The following TRPM8 variants were observed in gnomAD, a reference collection of about 807,000 sequenced individuals.
TRPM8 encodes the protein transient receptor potential cation channel subfamily M member 8.
Under a neutral mutation model 133.7 loss-of-function variants are expected in TRPM8, and 110 were observed. The ratio of observed to expected loss-of-function variants is 0.82; its 90% confidence interval spans 0.70 to 0.96. The LOEUF (loss-of-function observed/expected upper bound fraction) is 0.96. Ranked by LOEUF, TRPM8 falls within the 40% of genes least tolerant of loss-of-function variation. The pLI, the probability that TRPM8 is intolerant of heterozygous loss-of-function variation, is 0.00. For synonymous variants in TRPM8, 535 were observed against 532.3 expected, an observed-to-expected ratio of 1.01 and a Z score of -0.07; for missense variants, 1,291 against 1,379.5, an observed-to-expected ratio of 0.94 and a Z score of 1.02.
intron 22 of TRPM8, among the ~76,000 whole-genome samples, chr2:233,997,986 TC>T (rs1692452651): frequency 6.6e-6 from 1 of 152,122 alleles, no homozygotes; most frequent in Non-Finnish European, 1.5e-5. Flanking sequence ...CAGACAATCT[TC>T]CTAGCCCCCA....
Position 233,927,860 on chromosome 2 carries a change from CT to C in TRPM8, c.117+1207del, listed in dbSNP as rs1691583754. On this transcript the variant is annotated intron_variant, in intron 2 of 25. Transcript: ENST00000324695. ...CCTTCCTTCCTTCCTTCCTTTCTTT[CT>C]CTTTCTTTCTTTCTTTCTTTCTTTC... Among the ~76,000 whole-genome samples, 59 of 24,088 alleles carry C rather than the reference CT, an allele frequency of 2.4e-3. 3 individuals carry two copies. The highest frequency in any genetic ancestry group is 9.4e-3 in the East Asian group (6 of 638). The allele number at this position is 24,088 out of a possible 152,430, so 15.8% of individuals were successfully genotyped here.
intron 3 of TRPM8, among the ~76,000 whole-genome samples, chr2:233,936,891 C>CTTTTTT (rs5839499): frequency 3.0e-5 from 3 of 101,324 alleles, no homozygotes; most frequent in African/African-American, 3.9e-5. Context: ...TCTTTCTTTC[C>CTTTTTT]TTTTTTTTTT....
chr2:233,927,782 CTTTCTTTCTTTTCT>C lies in TRPM8; in HGVS notation c.117+1131_117+1144del, dbSNP rs1385804924. 6.3e-3 allele frequency among the ~76,000 whole-genome samples: 234 copies of C among 37,166 alleles called. 12 individuals carry two copies. Among genetic ancestry groups the C allele is most frequent in the African/African-American group, 0.033 (90 of 2,698 alleles). 24.4% of individuals were successfully genotyped at this position (37,166 alleles called of 152,430 possible). On this transcript the variant is annotated intron_variant, in intron 2 of 25. Transcript: ENST00000324695. ...TCTTTCTTTCTTTCTTTCTTTCTTT[CTTTCTTTCTTTTCT>C]TTCCTTCCTTCCTTCCTTCCTTCCT...
chr2:233,966,513 A>G, intron 14 of TRPM8, 97 bp from the exon 15 acceptor site: 1 of 1,493,388 alleles, frequency 6.7e-7, no homozygotes, highest in East Asian at 2.3e-5. Flanking sequence ...CGCACAGGCT[A>G]TTTTTGGATT....
At chr2:234,000,184 C>T (rs577754494) in intron 22 of TRPM8, among the ~76,000 whole-genome samples, 2 of 151,832 alleles carry the variant, frequency 1.3e-5, no homozygotes, top group Admixed American at 6.6e-5. Context: ...GATCTCGGCT[C>T]ACTGCAACCT....
chr2:233,989,543 A>C lies in TRPM8; in HGVS notation c.2939+3678A>C, dbSNP rs1692224505. Reference sequence around the variant, plus strand: ...GTTATCCTTAGGTTAAATCCTTGGAACACTGTTTCTGATCATTTTTAAAGT... The same window carrying C: ...GTTATCCTTAGGTTAAATCCTTGGACCACTGTTTCTGATCATTTTTAAAGT... On this transcript the variant is annotated intron_variant, in intron 21 of 25. Transcript: ENST00000324695. The surrounding 1 kb of genome is among the most constrained non-coding windows in gnomAD (Gnocchi z 4.2). 6.6e-6 allele frequency among the ~76,000 whole-genome samples: 1 copy of C among 152,218 alleles called. No homozygotes were observed. Among genetic ancestry groups the C allele is most frequent in the South Asian group, 2.1e-4 (1 of 4,834 alleles).
chr2:233,964,755 T>C lies in TRPM8; in HGVS notation c.1877T>C (p.Val626Ala), dbSNP rs1350447174. The C allele has an allele frequency of 4.3e-6, 7 of 1,609,646 alleles. No homozygotes were observed. Among genetic ancestry groups the C allele is most frequent in the South Asian group, 1.1e-5 (1 of 90,704 alleles). ...ELANEYETRAVELFTECYSSD... is the reference protein window; with the variant it reads ...ELANEYETRAAELFTECYSSD... ...GCTAATGAGTACGAGACCCGGGCTGTTGGTGAGTCCACAGTGTGGAATGCT... is the reference window on the plus strand; with the variant it reads ...GCTAATGAGTACGAGACCCGGGCTGCTGGTGAGTCCACAGTGTGGAATGCT... Residue 626 changes from valine (V) to alanine (A), a missense_variant and splice_region_variant, in exon 14 of 26, where the codon GTT becomes GCT. By Grantham distance (64) the Val-to-Ala change is moderately conservative. Coordinates refer to ENST00000324695, the MANE Select transcript of TRPM8 (RefSeq NM_024080.5).
At chr2:233,958,874 G>A (rs1412417921) in intron 11 of TRPM8, among the ~76,000 whole-genome samples, 1 of 152,134 alleles carries the variant, frequency 6.6e-6, no homozygotes, top group African/African-American at 2.4e-5. Flanking sequence ...GGCACACAAT[G>A]TAAGAGAGTA....
intron 6 of TRPM8, among the ~76,000 whole-genome samples, chr2:233,943,613 G>C (rs536823295): frequency 6.6e-6 from 1 of 152,294 alleles, no homozygotes; most frequent in African/African-American, 2.4e-5. Context: ...AAGGCTGTGA[G>C]ACAACCACCC....
intron 11 of TRPM8, among the ~76,000 whole-genome samples, chr2:233,956,175 C>T (rs553625565): frequency 1.3e-5 from 2 of 152,002 alleles, no homozygotes; most frequent in Non-Finnish European, 2.9e-5. Context: ...CAAGACCATC[C>T]CCCCAGCCTG....
intron 17 of TRPM8, among the ~76,000 whole-genome samples, chr2:233,975,927 A>C (rs140429865): frequency 1.2e-3 from 189 of 152,122 alleles, no homozygotes; most frequent in South Asian, 5.6e-3. Context: ...ACAAACAAAA[A>C]ACACACACAC....
intron 19 of TRPM8, among the ~76,000 whole-genome samples, chr2:233,982,744 C>A (rs1692041525): frequency 6.6e-6 from 1 of 152,174 alleles, no homozygotes; most frequent in South Asian, 2.1e-4. Context: ...GAGAGGTCCT[C>A]CAAAACTTAG....
Position 233,956,907 on chromosome 2 carries a change from T to C in TRPM8, c.1362+1657T>C, listed in dbSNP as rs189777375. Among the ~76,000 whole-genome samples, 465 of 152,316 alleles carry C rather than the reference T, an allele frequency of 3.1e-3. 5 individuals are homozygous for C. Among genetic ancestry groups the C allele is most frequent in the Middle Eastern group, 6.8e-3 (2 of 294 alleles). ...GAATTACTGTGTGTGAAATGTTCTATTTAAGTGAGGTCAGATGGTACAAAT... is the reference window on the plus strand; with the variant it reads ...GAATTACTGTGTGTGAAATGTTCTACTTAAGTGAGGTCAGATGGTACAAAT... On this transcript the variant is annotated intron_variant, in intron 11 of 25. Coordinates refer to ENST00000324695, the MANE Select transcript of TRPM8 (RefSeq NM_024080.5).
chr2:233,977,551 A>C (rs916901149), intron 17 of TRPM8, among the ~76,000 whole-genome samples: 2 of 152,122 alleles, frequency 1.3e-5, no homozygotes, highest in Non-Finnish European at 2.9e-5. Context: ...AGCAGCAGGG[A>C]GGGCCTTTCC....
intron 1 of TRPM8, among the ~76,000 whole-genome samples, chr2:233,924,839 A>G (rs1301878226): frequency 6.6e-6 from 1 of 152,244 alleles, no homozygotes; most frequent in African/African-American, 2.4e-5. Context: ...CATAGTGAAT[A>G]CCTTGCAGGA....
At chr2:233,976,929 C>T (rs529002220) in intron 17 of TRPM8, among the ~76,000 whole-genome samples, 1 of 152,214 alleles carries the variant, frequency 6.6e-6, no homozygotes, top group African/African-American at 2.4e-5. Flanking sequence ...GGATTGCTTT[C>T]CTCTAAGAAA....
intron 11 of TRPM8, among the ~76,000 whole-genome samples, chr2:233,959,430 G>A (rs779526453): frequency 2.7e-5 from 4 of 150,140 alleles, no homozygotes; most frequent in South Asian, 4.2e-4. Context: ...AGGTTCAAGC[G>A]ATTCTGGGAT....
At chr2:234,014,725 A>AT (rs909717381) in intron 25 of TRPM8, 71 bp downstream of exon 25, 17 of 538,438 alleles carry the variant, frequency 3.2e-5, no homozygotes, top group Non-Finnish European at 5.0e-5. Context: ...TAAGATCATG[A>AT]TTTTTTCCTC....
intron 5 of TRPM8, 150 bp from the exon 6 acceptor site, chr2:233,942,426 T>A: frequency 5.4e-6 from 4 of 736,292 alleles, no homozygotes; most frequent in Non-Finnish European, 9.4e-6. Context: ...CTGTCTGAGG[T>A]CCCCTCTCCT....
Sources: gnomAD v4.1 joint callset for allele counts (sites outside exome capture counted in the v4.1 genomes callset) on GRCh38, gnomAD v4.1.1 for gene constraint, Gnocchi (gnomAD v3.1) non-coding constraint, MANE v1.5 for transcripts, NCBI Gene and HGNC (gene_info 2026-07-23, HGNC 2026-07-21) for gene names.